Variants in TENM1 observed in about 807,000 individuals in gnomAD.
TENM1 encodes the protein teneurin transmembrane protein 1.
Under a neutral mutation model 174.8 loss-of-function variants are expected in TENM1, and 35 were observed. The ratio of observed to expected loss-of-function variants is 0.20; its 90% CI spans 0.15 to 0.27. TENM1 has a LOEUF of 0.27. Among genes scored for constraint, TENM1 ranks in the 10% least tolerant of loss-of-function variants. The pLI is 1.00. For missense variants in TENM1, 1,633 were observed against 2,130.1 expected, an observed-to-expected ratio of 0.77 and a Z score of 4.59; for synonymous variants, 781 against 798.7, an observed-to-expected ratio of 0.98 and a Z score of 0.37.
the TENM1 span, among the ~76,000 whole-genome samples, chrX:125,080,754 A>T: frequency 9.0e-6 from 1 of 110,505 alleles, no homozygotes; most frequent in Non-Finnish European, 1.9e-5. Context: ...AATATCTTCT[A>T]TTCTGTATCT....
At chrX:124,432,948 A>T (rs968628098) in intron 23 of TENM1, among the ~76,000 whole-genome samples, 1 of 112,293 alleles carries the variant, frequency 8.9e-6, no homozygotes, top group Admixed American at 9.4e-5. Context: ...CAATGTGGAT[A>T]TACCAGTGAG....
chrX:125,026,200 G>GAA, the TENM1 span, among the ~76,000 whole-genome samples: 11 of 97,753 alleles, frequency 1.1e-4, no homozygotes, highest in African/African-American at 3.0e-4. Context: ...AAAGGCAAAG[G>GAA]AAAAAAAAAA....
intron 28 of TENM1, among the ~76,000 whole-genome samples, chrX:124,387,331 A>C (rs2060231499): frequency 9.0e-6 from 1 of 111,101 alleles, no homozygotes; most frequent in Non-Finnish European, 1.9e-5. Flanking sequence ...TGCAGACATA[A>C]AAGGAGCACT....
At chrX:125,127,629 C>T in the TENM1 span, among the ~76,000 whole-genome samples, 2 of 110,868 alleles carry the variant, frequency 1.8e-5, no homozygotes, top group South Asian at 7.7e-4. Context: ...AGAGGCAGCC[C>T]CATCCAGGTG....
chrX:124,585,754 T>G lies in TENM1; in HGVS notation c.2078-20194A>C, dbSNP rs759624830. ...AAAATTAATGAATCCAGGAGCTGGT[T>G]TTTTGAAAGGATCAACAAAACTGAT... is the stretch of plus-strand genomic sequence containing the variant. On this transcript the variant is annotated intron_variant, in intron 11 of 31. Coordinates refer to ENST00000422452, the Ensembl canonical transcript of TENM1. Among the ~76,000 whole-genome samples the G allele has an allele frequency of 3.8e-3, 418 of 111,466 alleles. 1 individual carries two copies. Among genetic ancestry groups the G allele is most frequent in the African/African-American group, 0.013 (388 of 30,571 alleles).
chrX:125,126,617 T>G, the TENM1 span, among the ~76,000 whole-genome samples: 1 of 110,221 alleles, frequency 9.1e-6, no homozygotes, highest in Non-Finnish European at 1.9e-5. Context: ...GCTTCCAATT[T>G]GAAGGCACCC....
intron 8 of TENM1, among the ~76,000 whole-genome samples, chrX:124,648,427 C>T (rs2051214882): frequency 8.9e-6 from 1 of 111,986 alleles, no homozygotes; most frequent in Non-Finnish European, 1.9e-5. Context: ...TCTGGTCCCT[C>T]ATCACAGTGT....
chrX:124,404,885 A>G (rs2060444508), intron 27 of TENM1, 146 bp downstream of exon 30: 1 of 513,474 alleles, frequency 1.9e-6, no homozygotes, highest in Non-Finnish European at 3.3e-6. Flanking sequence ...AGTATATCAT[A>G]TAAGCCAGTC....
At chrX:124,882,078 G>C (rs2057314067) in intron 3 of TENM1, among the ~76,000 whole-genome samples, 1 of 112,249 alleles carries the variant, frequency 8.9e-6, no homozygotes, top group Admixed American at 9.4e-5. Context: ...TGTGTGAAGA[G>C]ATTTTTTAAA....
At chrX:124,968,180 T>C (rs2058749777), upstream of TENM1, among the ~76,000 whole-genome samples, 1 of 111,545 alleles carries the variant, frequency 9.0e-6, no homozygotes, top group African/African-American at 3.3e-5. Context: ...ATCTATTAAT[T>C]AAAATACAAA....
At chrX:124,714,683 C>CATAAAT (rs1182023545) in intron 4 of TENM1, among the ~76,000 whole-genome samples, 4 of 111,049 alleles carry the variant, frequency 3.6e-5, no homozygotes, top group African/African-American at 6.5e-5. Flanking sequence ...TTAATATAAA[C>CATAAAT]ATAAATATAA....
At chrX:125,056,252 A>AT in the TENM1 span, among the ~76,000 whole-genome samples, 1 of 111,681 alleles carries the variant, frequency 9.0e-6, no homozygotes, top group African/African-American at 3.2e-5. Flanking sequence ...GAATTATTGA[A>AT]TGTTAGGCTA....
At chrX:124,535,246 T>G (rs2048181697) in intron 15 of TENM1, among the ~76,000 whole-genome samples, 1 of 111,590 alleles carries the variant, frequency 9.0e-6, no homozygotes, top group Admixed American at 9.6e-5. Flanking sequence ...CTTTGAGAAC[T>G]GCTGCTTTAG....
At chrX:124,489,951 T>C (rs2047030197) in intron 20 of TENM1, among the ~76,000 whole-genome samples, 1 of 111,461 alleles carries the variant, frequency 9.0e-6, no homozygotes, top group African/African-American at 3.3e-5. Flanking sequence ...CCAGCGACCC[T>C]CATCCAAGAC....
At chrX:124,471,603 T>C in intron 22 of TENM1, among the ~76,000 whole-genome samples, 1 of 77,832 alleles carries the variant, frequency 1.3e-5, no homozygotes, top group South Asian at 5.7e-4. Flanking sequence ...TAATATAGAG[T>C]AATATATAAT....
intron 14 of TENM1, among the ~76,000 whole-genome samples, chrX:124,549,538 A>AC (rs2048511135): frequency 8.9e-6 from 1 of 112,064 alleles, no homozygotes; most frequent in Non-Finnish European, 1.9e-5. Context: ...CTTAAAAAAA[A>AC]ACTAAAAAAA....
At chrX:124,719,476 T>C (rs2053260968) in intron 4 of TENM1, among the ~76,000 whole-genome samples, 1 of 111,530 alleles carries the variant, frequency 9.0e-6, no homozygotes, top group African/African-American at 3.3e-5. Context: ...TCATAGCAAT[T>C]GAAACAACAT....
At chrX:124,674,324 A>T (rs1368631771) in intron 5 of TENM1, among the ~76,000 whole-genome samples, 1 of 106,179 alleles carries the variant, frequency 9.4e-6, no homozygotes, top group South Asian at 4.3e-4. Flanking sequence ...AAAAAAAAAA[A>T]AAAAAGTGAA....
intron 11 of TENM1, among the ~76,000 whole-genome samples, chrX:124,596,210 GAA>G (rs58718227): frequency 9.1e-6 from 1 of 109,800 alleles, no homozygotes; most frequent in Non-Finnish European, 1.9e-5. Flanking sequence ...TGACTTAAGA[GAA>G]AAAAAAATTG....
Sources: gnomAD v4.1 joint callset for allele counts (sites outside exome capture counted in the v4.1 genomes callset) on GRCh38, gnomAD v4.1.1 for gene constraint, MANE v1.5 for transcripts, NCBI Gene and HGNC (gene_info 2026-07-23, HGNC 2026-07-21) for gene names.